Variants in SPAG17 observed in about 807,000 individuals in gnomAD.
The protein encoded by SPAG17 is sperm-associated antigen 17.
In SPAG17, 169 loss-of-function variants were observed where a neutral mutation model predicts 273.6. The ratio of observed to expected loss-of-function variants is 0.62; its 90% CI spans 0.55 to 0.70. The LOEUF is 0.70. Among genes scored for constraint, SPAG17 ranks in the 30% least tolerant of loss-of-function variants. SPAG17 has a pLI of 0.00. For synonymous variants in SPAG17, 825 were observed against 873.2 expected, an observed-to-expected ratio of 0.94 and a Z score of 0.97; for missense variants, 2,557 against 2,627.8, an observed-to-expected ratio of 0.97 and a Z score of 0.59.
chr1:117,964,909 C>A (rs887992473), intron 47 of SPAG17: 22 of 152,084 alleles, frequency 1.4e-4, no homozygotes, highest in African/African-American at 5.1e-4. Context: ...TTTTATTATT[C>A]TTTTGCCCTG....
intron 39 of SPAG17, 33 bp from the exon 40 acceptor site, chr1:117,987,914 G>A (rs561580665): frequency 6.2e-7 from 1 of 1,611,414 alleles, no homozygotes; most frequent in East Asian, 2.2e-5. Flanking sequence ...ATGGTGAAAA[G>A]GGGCAATGAT....
At chr1:118,039,659 G>A (rs924875426) in intron 22 of SPAG17, among the ~76,000 whole-genome samples, 10 of 152,100 alleles carry the variant, frequency 6.6e-5, no homozygotes, top group African/African-American at 2.4e-4. Flanking sequence ...TGGGAGGAGG[G>A]TGAGGACCAA....
intron 47 of SPAG17, 160 bp from the exon 48 acceptor site, chr1:117,964,098 G>A: frequency 1.5e-6 from 1 of 687,860 alleles, no homozygotes; most frequent in Middle Eastern, 4.2e-4. Context: ...AGGCTTGGGG[G>A]TTAGAGGATG....
At chr1:117,992,429 C>T (rs748062776) in intron 36 of SPAG17, 37 bp downstream of exon 36, 4 of 1,529,684 alleles carry the variant, frequency 2.6e-6, no homozygotes, top group Non-Finnish European at 8.8e-7. Flanking sequence ...TGCTCTGTTT[C>T]TGATTCTTTT....
chr1:118,090,438 T>C (rs796565565), intron 10 of SPAG17, among the ~76,000 whole-genome samples: 1 of 152,164 alleles, frequency 6.6e-6, no homozygotes, highest in South Asian at 2.1e-4. Context: ...AGATTTAGAA[T>C]TGAATACACT....
chr1:118,053,314 C>T (rs772079123), intron 20 of SPAG17, among the ~76,000 whole-genome samples: 15 of 151,944 alleles, frequency 9.9e-5, no homozygotes, highest in African/African-American at 3.6e-4. Context: ...ATGTTTATTG[C>T]ATGCTCATGG....
At chr1:117,997,541 C>T in intron 32 of SPAG17, among the ~76,000 whole-genome samples, 1 of 97,702 alleles carries the variant, frequency 1.0e-5, no homozygotes, top group Non-Finnish European at 2.1e-5. Context: ...AGCTGATAGA[C>T]AAAATTTCAC....
rs146081972 is a variant in SPAG17, at chr1:118,156,094, T to C, written c.88-4725A>G. On this transcript the variant is annotated intron_variant, in intron 1 of 48. Coordinates refer to ENST00000336338, the MANE Select transcript of SPAG17 (RefSeq NM_206996.4). ...ATTGTCTTTACTAAACAAGTAGTTA[T>C]TATGATAGACTCTAATTATATATCT... Among the ~76,000 whole-genome samples the C allele has an allele frequency of 8.3e-3, 1,272 of 152,372 alleles. 28 individuals carry two copies. The highest frequency in any genetic ancestry group is 0.014 in the Admixed American group (215 of 15,304).
At chr1:117,993,513 T>C (rs559342026) in intron 35 of SPAG17, among the ~76,000 whole-genome samples, 1 of 152,316 alleles carries the variant, frequency 6.6e-6, no homozygotes, top group East Asian at 1.9e-4. Context: ...AAGATCCCAC[T>C]TTAATAAGGG....
chr1:118,083,308 C>G (rs1475691614), intron 13 of SPAG17, among the ~76,000 whole-genome samples: 1 of 152,102 alleles, frequency 6.6e-6, no homozygotes, highest in African/African-American at 2.4e-5. Context: ...TACAAAGGCA[C>G]ATGATCCAAC....
At chr1:118,152,339 GA>G (rs1659435249) in intron 1 of SPAG17, among the ~76,000 whole-genome samples, 1 of 152,144 alleles carries the variant, frequency 6.6e-6, no homozygotes, top group Admixed American at 6.5e-5. Flanking sequence ...GTCTCCTGGT[GA>G]ATACCAAAAC....
At chr1:118,157,970 C>A (rs936591498) in intron 1 of SPAG17, among the ~76,000 whole-genome samples, 3 of 151,746 alleles carry the variant, frequency 2.0e-5, no homozygotes, top group African/African-American at 7.3e-5. Flanking sequence ...TTATGGGAGA[C>A]CCAGGGAAAA....
rs761786762 is a variant in SPAG17, at chr1:118,081,323, T to C, written c.1991-4A>G. 1.2e-6 allele frequency: 2 copies of C among 1,613,410 alleles called. No homozygotes were observed. Among genetic ancestry groups the C allele is most frequent in the Non-Finnish European group, 1.7e-6 (2 of 1,179,580 alleles). Reference sequence around the variant, plus strand: ...GTTCTGTCTTTGATTTTAATATCTATTCAGTGTAAGGAACATCCATGAGAT... The same window carrying C: ...GTTCTGTCTTTGATTTTAATATCTACTCAGTGTAAGGAACATCCATGAGAT... On this transcript the variant is annotated splice_region_variant and splice_polypyrimidine_tract_variant and intron_variant, in intron 14 of 48. Transcript: ENST00000336338.
intron 1 of SPAG17, 52 bp from the exon 2 acceptor site, chr1:118,151,421 T>C (rs369287877): frequency 6.8e-4 from 1,003 of 1,468,936 alleles, no homozygotes; most frequent in Non-Finnish European, 8.9e-4. Context: ...ATAGGTCATT[T>C]CGTGTCAAAT....
intron 1 of SPAG17, among the ~76,000 whole-genome samples, chr1:118,160,402 G>A (rs1659854855): frequency 6.6e-6 from 1 of 152,164 alleles, no homozygotes; most frequent in Admixed American, 6.5e-5. Context: ...CTTTGTGTAT[G>A]TTTCATGGAT....
intron 12 of SPAG17, 146 bp downstream of exon 12, chr1:118,086,525 G>A: frequency 2.7e-6 from 2 of 739,582 alleles, no homozygotes. Flanking sequence ...CCATTTTCCA[G>A]GTCCTACTTT....
At chr1:118,178,846 G>A (rs1480044661) in intron 1 of SPAG17, among the ~76,000 whole-genome samples, 2 of 151,782 alleles carry the variant, frequency 1.3e-5, no homozygotes, top group Non-Finnish European at 2.9e-5. Context: ...AATCAATAAA[G>A]TAAGCCCATT....
At chr1:118,116,036 A>C (rs1379622925) in intron 3 of SPAG17, among the ~76,000 whole-genome samples, 1 of 152,104 alleles carries the variant, frequency 6.6e-6, no homozygotes, top group Non-Finnish European at 1.5e-5. Context: ...AAGGTTATTG[A>C]GTTTTCTTTG....
chr1:118,025,940 T>C (rs990730062), intron 26 of SPAG17, among the ~76,000 whole-genome samples: 8 of 152,178 alleles, frequency 5.3e-5, no homozygotes, highest in African/African-American at 1.9e-4. Flanking sequence ...ACCTTCTCCA[T>C]GTGTAAGCCA....
Sources: allele counts gnomAD v4.1 joint callset (sites outside exome capture counted in the v4.1 genomes callset), GRCh38; gene constraint gnomAD v4.1.1; transcripts MANE v1.5; gene names NCBI Gene and HGNC (gene_info 2026-07-23, HGNC 2026-07-21).